Variants in GOLGB1 observed in about 807,000 individuals in gnomAD.
GOLGB1 encodes golgin subfamily B member 1.
In GOLGB1, 174 loss-of-function variants were observed where a neutral mutation model predicts 336.9. The observed-to-expected ratio is 0.52, with a 90% CI of 0.46 to 0.59. GOLGB1 has a LOEUF of 0.59. Ranked by LOEUF, GOLGB1 falls within the 20% of genes least tolerant of loss-of-function variation. GOLGB1 has a pLI of 0.00. For synonymous variants in GOLGB1, 1,208 were observed against 1,289.2 expected, an observed-to-expected ratio of 0.94 and a Z score of 1.35; for missense variants, 3,331 against 3,645.3, an observed-to-expected ratio of 0.91 and a Z score of 2.22.
At chr3:121,737,134 T>C (rs1169334562) in intron 1 of GOLGB1, among the ~76,000 whole-genome samples, 3 of 152,218 alleles carry the variant, frequency 2.0e-5, no homozygotes, top group Non-Finnish European at 4.4e-5. Flanking sequence ...TCCCAAGTTG[T>C]ATGTAAATCT....
At chr3:121,721,339 C>T (rs1409868955) in intron 6 of GOLGB1, among the ~76,000 whole-genome samples, 1 of 151,882 alleles carries the variant, frequency 6.6e-6, no homozygotes, top group Non-Finnish European at 1.5e-5. Context: ...CCACCGCTGC[C>T]CCCACCCCCC....
chr3:121,672,419 G>T (rs1358364278), intron 17 of GOLGB1, among the ~76,000 whole-genome samples: 1 of 152,112 alleles, frequency 6.6e-6, no homozygotes, highest in Non-Finnish European at 1.5e-5. Context: ...TTGGCCATTT[G>T]TATGTCTTCT....
intron 1 of GOLGB1, among the ~76,000 whole-genome samples, chr3:121,737,555 G>T (rs1484416307): frequency 6.6e-6 from 1 of 151,740 alleles, no homozygotes; most frequent in African/African-American, 2.4e-5. Flanking sequence ...GGAGGCTGAG[G>T]CAGACGAATC....
chr3:121,734,541 G>A (rs1173544234), intron 1 of GOLGB1, among the ~76,000 whole-genome samples: 1 of 152,056 alleles, frequency 6.6e-6, no homozygotes, highest in Non-Finnish European at 1.5e-5. Flanking sequence ...AAAGAAATGT[G>A]CAAGAGATGT....
chr3:121,726,847 A>C, intron 5 of GOLGB1, 66 bp downstream of exon 5: 1 of 1,197,760 alleles, frequency 8.3e-7, no homozygotes, highest in Non-Finnish European at 1.2e-6. Context: ...TGTATTTGTC[A>C]CATAATAATC....
At chr3:121,718,714 C>A (rs1170142066) in intron 7 of GOLGB1, among the ~76,000 whole-genome samples, 2 of 152,170 alleles carry the variant, frequency 1.3e-5, no homozygotes, top group Non-Finnish European at 2.9e-5. Flanking sequence ...AACAACCAGA[C>A]CCAGACACAA....
chr3:121,695,041 G>A lies in GOLGB1; in HGVS notation c.5482C>T (p.Pro1828Ser). 1 of 1,613,952 alleles carries A rather than the reference G, an allele frequency of 6.2e-7. No homozygotes were observed. The highest frequency in any genetic ancestry group is 8.5e-7 in the Non-Finnish European group (1 of 1,179,892). ...ESVPSAKSAN[P>S]AVSKDFSSHD... is the part of the protein sequence containing the mutation. ...GAGCTGAAATCCTTACTTACAGCAG[G>A]GTTGGCACTCTTCGCTGATGGAACC... is the stretch of plus-strand genomic sequence containing the variant. Residue 1828 changes from proline to serine, a missense_variant, in exon 13 of 22, where the codon CCT (proline) becomes TCT (serine). Physicochemically the swap from Pro to Ser is moderately conservative, Grantham distance 74. Transcript: ENST00000614479.
Position 121,697,991 on chromosome 3 carries a change from C to T in GOLGB1, c.2532G>A (p.Gln844=). Residue 844 remains glutamine (Q), a synonymous_variant, in exon 13 of 22, where the codon CAG becomes CAA. Transcript: ENST00000614479. ...GCACTTCACTTTCCTTATTTTGCAG[C>T]TGGCTTTGCAGGCTTCTTATCAGGG... ...QSTLIRSLQS[Q]LQNKESEVLE... 6.2e-7 allele frequency: 1 copy of T among 1,614,090 alleles called. No individual in the cohort carries two copies. Among genetic ancestry groups the T allele is most frequent in the Non-Finnish European group, 8.5e-7 (1 of 1,179,974 alleles).
intron 18 of GOLGB1, 107 bp from the exon 19 acceptor site, chr3:121,668,265 C>A: frequency 1.7e-6 from 1 of 601,880 alleles, no homozygotes; most frequent in East Asian, 3.1e-5. Context: ...TTATAATTCT[C>A]AAGTCCAAAT....
At chr3:121,727,318 ATATTTTTTT>A (rs1320290662) in intron 4 of GOLGB1, among the ~76,000 whole-genome samples, 11 of 33,474 alleles carry the variant, frequency 3.3e-4, no homozygotes, top group African/African-American at 8.0e-4. Flanking sequence ...ATATATATAT[ATATTTTTTT>A]TTTTTTTTTT....
intron 1 of GOLGB1, among the ~76,000 whole-genome samples, chr3:121,734,392 G>GGA (rs1946338275): frequency 9.3e-6 from 1 of 107,254 alleles, no homozygotes; most frequent in South Asian, 3.3e-4. Context: ...TCTGTCTCGG[G>GGA]AAAAAAAAAA....
chr3:121,734,951 C>T (rs538854277), intron 1 of GOLGB1, among the ~76,000 whole-genome samples: 68 of 152,202 alleles, frequency 4.5e-4, no homozygotes, highest in Non-Finnish European at 8.5e-4. Flanking sequence ...CAATGGAATA[C>T]TACTCAGCAA....
intron 19 of GOLGB1, 132 bp downstream of exon 19, chr3:121,667,929 C>T (rs1938870496): frequency 3.4e-6 from 2 of 583,230 alleles, no homozygotes; most frequent in South Asian, 2.5e-5. Flanking sequence ...TTGATCCTCA[C>T]ATCACTTCTG....
At chr3:121,664,744 G>T in intron 21 of GOLGB1, 130 bp from the exon 22 acceptor site, 1 of 940,346 alleles carries the variant, frequency 1.1e-6, no homozygotes, top group Non-Finnish European at 1.7e-6. Context: ...GAGGAAAGTT[G>T]CCTCAGAGTC....
chr3:121,667,517 A>C lies in GOLGB1; in HGVS notation c.9513T>G (p.Ala3171=). The C allele has an allele frequency of 6.2e-7, 1 of 1,614,108 alleles. No homozygotes were observed. Among genetic ancestry groups the C allele is most frequent in the East Asian group, 2.2e-5 (1 of 44,888 alleles). ...LLEEERDQRV[A]AENALSVAEE... Reference sequence around the variant, plus strand: ...CGGCCACAGAGAGAGCATTCTCAGCAGCCACTCTTTGGTCTCGTTCTTCTT... The same window carrying C: ...CGGCCACAGAGAGAGCATTCTCAGCCGCCACTCTTTGGTCTCGTTCTTCTT... The change falls in exon 20 of 22, where the codon GCT becomes GCG. Residue 3171 remains alanine (A), a synonymous_variant. Coordinates refer to ENST00000614479, the MANE Select transcript of GOLGB1 (RefSeq NM_001366282.2).
chr3:121,665,215 A>C (rs957817413), intron 20 of GOLGB1, among the ~76,000 whole-genome samples, 184 bp from the exon 21 acceptor site: 4 of 152,240 alleles, frequency 2.6e-5, no homozygotes, highest in Admixed American at 1.3e-4. Flanking sequence ...CAGCAGCAGC[A>C]AAATGTGACA....
intron 17 of GOLGB1, among the ~76,000 whole-genome samples, chr3:121,669,954 T>C (rs894263412): frequency 6.6e-6 from 1 of 152,174 alleles, no homozygotes; most frequent in African/African-American, 2.4e-5. Context: ...GGTAGAAACA[T>C]TTCAGTCCCT....
chr3:121,666,759 A>T (rs1228613568), intron 20 of GOLGB1, among the ~76,000 whole-genome samples: 2 of 152,260 alleles, frequency 1.3e-5, no homozygotes, highest in African/African-American at 4.8e-5. Context: ...GCCTGCTTTT[A>T]ACGATATTTT....
intron 1 of GOLGB1, among the ~76,000 whole-genome samples, chr3:121,739,582 G>T (rs928558504): frequency 1.4e-4 from 21 of 151,656 alleles, no homozygotes; most frequent in Admixed American, 1.2e-3. Context: ...ACAAGAAAAT[G>T]AGTAAATATA....
Sources: gnomAD v4.1 joint callset for allele counts (sites outside exome capture counted in the v4.1 genomes callset) on GRCh38, gnomAD v4.1.1 for gene constraint, MANE v1.5 for transcripts, NCBI Gene and HGNC (gene_info 2026-07-23, HGNC 2026-07-21) for gene names.